Variants in PDE4D observed in about 807,000 individuals in gnomAD.
The protein encoded by PDE4D is phosphodiesterase 4D, also known as 3',5'-cyclic-AMP phosphodiesterase 4D.
PDE4D carries 24 observed loss-of-function variants against 87.4 expected under a neutral mutation model. The ratio of observed to expected loss-of-function variants is 0.27; its 90% confidence interval spans 0.20 to 0.39. The LOEUF is 0.39. PDE4D is among the 10% of genes least tolerant of loss of function. The pLI is 1.00. For missense variants in PDE4D, 714 were observed against 1,041.0 expected, an observed-to-expected ratio of 0.69 and a Z score of 4.32; for synonymous variants, 384 against 383.2, an observed-to-expected ratio of 1.00 and a Z score of -0.02.
intron 1 of PDE4D, among the ~76,000 whole-genome samples, chr5:59,309,072 A>T (rs574777446): frequency 9.9e-5 from 15 of 152,208 alleles, no homozygotes; most frequent in African/African-American, 3.4e-4. Context: ...CGCAAACCCA[A>T]ACCAAATGGC....
At chr5:60,018,072 T>A (rs756861966) in intron 2 of PDE4D, among the ~76,000 whole-genome samples, 18 of 152,278 alleles carry the variant, frequency 1.2e-4, no homozygotes, top group Middle Eastern at 3.4e-3. Flanking sequence ...TTCTCATGTG[T>A]CTGTTGGCTG....
At chr5:60,259,005 T>C (rs1008448168) in intron 1 of PDE4D, among the ~76,000 whole-genome samples, 1 of 152,004 alleles carries the variant, frequency 6.6e-6, no homozygotes, top group Non-Finnish European at 1.5e-5. Context: ...GATAGGGTTT[T>C]TTCCCCTACT....
chr5:60,025,250 G>A (rs1315887105), intron 2 of PDE4D, among the ~76,000 whole-genome samples: 2 of 152,140 alleles, frequency 1.3e-5, no homozygotes, highest in East Asian at 1.9e-4. Flanking sequence ...AACGTTTGCA[G>A]CAAGATGTGA....
intron 2 of PDE4D, among the ~76,000 whole-genome samples, chr5:60,105,045 C>T (rs1776717498): frequency 6.6e-6 from 1 of 152,212 alleles, no homozygotes; most frequent in Non-Finnish European, 1.5e-5. Flanking sequence ...AAGAAGGCTT[C>T]AGACAATCAA....
intron 1 of PDE4D, among the ~76,000 whole-genome samples, chr5:60,510,241 A>G (rs1750510910): frequency 6.6e-6 from 1 of 152,180 alleles, no homozygotes; most frequent in Admixed American, 6.5e-5. Flanking sequence ...GCAGCCCATC[A>G]GAGAAAGAGA....
intron 1 of PDE4D, among the ~76,000 whole-genome samples, chr5:59,590,049 A>T (rs1402892200): frequency 1.3e-5 from 2 of 152,170 alleles, no homozygotes; most frequent in Non-Finnish European, 1.5e-5. Context: ...ACTACACATT[A>T]TTAAACAATC....
chr5:59,888,588 C>T (rs1487782131), intron 1 of PDE4D, among the ~76,000 whole-genome samples: 2 of 152,014 alleles, frequency 1.3e-5, no homozygotes, highest in African/African-American at 4.8e-5. Context: ...CCTTAGTGTC[C>T]TTACATATTA....
intron 1 of PDE4D, among the ~76,000 whole-genome samples, chr5:60,209,897 A>C (rs1021303106): frequency 3.3e-5 from 5 of 152,216 alleles, no homozygotes; most frequent in African/African-American, 1.2e-4. Flanking sequence ...ATTTAATAAA[A>C]GCTACCATCA....
chr5:59,046,300 G>A (rs990638584), intron 5 of PDE4D, among the ~76,000 whole-genome samples: 2 of 151,978 alleles, frequency 1.3e-5, no homozygotes, highest in Non-Finnish European at 2.9e-5. Context: ...AAGCGCATGA[G>A]AGAGCGAGAG....
At position 59,469,031 on chromosome 5, in the gene PDE4D, T is replaced by C. The variant is rs73758511; in HGVS notation, c.456-253063A>G. Among the ~76,000 whole-genome samples, 1,126 of 152,098 alleles carry C rather than the reference T, an allele frequency of 7.4e-3. 16 individuals carry two copies. The highest frequency in any genetic ancestry group is 0.025 in the African/African-American group (1,022 of 41,490). On this transcript the variant is annotated intron_variant, in intron 1 of 14. Transcript: ENST00000340635. Reference sequence around the variant, plus strand: ...CATTTTTGCGGTACTAACATAGATATAAAAACTAACACACGGCCAGGTGCG... The same window carrying C: ...CATTTTTGCGGTACTAACATAGATACAAAAACTAACACACGGCCAGGTGCG...
intron 1 of PDE4D, among the ~76,000 whole-genome samples, chr5:60,315,506 C>T (rs1359327740): frequency 2.0e-5 from 3 of 152,104 alleles, no homozygotes; most frequent in Non-Finnish European, 4.4e-5. Context: ...TCCCATTTGT[C>T]AATTTTGGCT....
At chr5:60,481,828 C>T (rs564772381) in intron 1 of PDE4D, among the ~76,000 whole-genome samples, 2 of 152,164 alleles carry the variant, frequency 1.3e-5, no homozygotes, top group South Asian at 4.2e-4. Flanking sequence ...TTTTAATAGC[C>T]TTGGAAATTT....
chr5:59,630,189 C>T (rs538849773), intron 1 of PDE4D, among the ~76,000 whole-genome samples: 4 of 152,234 alleles, frequency 2.6e-5, no homozygotes, highest in South Asian at 4.1e-4. Context: ...TACGCACATA[C>T]GTCTATATAT....
intron 5 of PDE4D, among the ~76,000 whole-genome samples, chr5:59,063,927 C>G (rs1169843415): frequency 2.6e-5 from 4 of 151,900 alleles, no homozygotes; most frequent in Non-Finnish European, 5.9e-5. Context: ...GAATATTGTA[C>G]AGAAATATAC....
At chr5:59,544,100 C>A (rs73099614) in intron 1 of PDE4D, among the ~76,000 whole-genome samples, 3,469 of 152,138 alleles carry the variant, frequency 0.023, 128 homozygotes, top group African/African-American at 0.079. Context: ...GGCATGCAGA[C>A]CATAAATCCT....
intron 2 of PDE4D, among the ~76,000 whole-genome samples, chr5:60,118,561 TTGTGTGTGTG>T (rs34503506): frequency 1.4e-5 from 2 of 144,206 alleles, no homozygotes; most frequent in Admixed American, 7.0e-5. Context: ...TGGATGTAGG[TTGTGTGTGTG>T]TGTGTGTGTG....
At chr5:59,637,762 G>T (rs177078) in intron 1 of PDE4D, among the ~76,000 whole-genome samples, 109,858 of 151,582 alleles carry the variant, frequency 0.72, 40,715 homozygotes, top group South Asian at 0.91. Context: ...GGGGTTGGGG[G>T]CAAGGGAAGG....
intron 1 of PDE4D, among the ~76,000 whole-genome samples, chr5:59,334,247 GTTTTTTTTTTTTTT>G (rs564248041): frequency 6.0e-4 from 59 of 98,638 alleles, no homozygotes; most frequent in Admixed American, 9.1e-4. Context: ...ATCCAGTGGA[GTTTTTTTTTTTTTT>G]TTTTTTTTTT....
At chr5:60,111,671 T>G (rs915298401) in intron 2 of PDE4D, among the ~76,000 whole-genome samples, 26 of 151,958 alleles carry the variant, frequency 1.7e-4, no homozygotes, top group Non-Finnish European at 2.7e-4. Context: ...GTAGCATGCA[T>G]TTTTCCAGAT....
Sources: allele counts gnomAD v4.1 joint callset (sites outside exome capture counted in the v4.1 genomes callset), GRCh38; gene constraint gnomAD v4.1.1; transcripts MANE v1.5; gene names NCBI Gene and HGNC (gene_info 2026-07-23, HGNC 2026-07-21).